Variants in AMPD3 observed in about 807,000 individuals in gnomAD.
The protein encoded by AMPD3 is AMP deaminase 3.
In AMPD3, 57 loss-of-function variants were observed where a neutral mutation model predicts 82.3. The ratio of observed to expected loss-of-function variants is 0.69; its 90% CI spans 0.56 to 0.86. AMPD3 has a LOEUF of 0.86. Ranked by LOEUF, AMPD3 falls within the 40% of genes least tolerant of loss-of-function variation. AMPD3 has a pLI of 0.00. For synonymous variants in AMPD3, 381 were observed against 394.7 expected (o/e 0.97, Z 0.41); for missense variants, 870 against 1,003.8 (o/e 0.87, Z 1.80).
At position 10,461,539 on chromosome 11, in the gene AMPD3, A is replaced by G. The variant is rs1435042398; in HGVS notation, c.20A>G (p.Lys7Arg). 4 of 1,614,190 alleles carry G rather than the reference A, an allele frequency of 2.5e-6. No individual in the cohort carries two copies. The highest frequency in any genetic ancestry group is 2.5e-6 in the Non-Finnish European group (3 of 1,180,044). MPRQFP[K>R]LNISEVDEQV... Reference sequence around the variant, plus strand: ...GCTGAGATGCCGCGGCAGTTTCCCAAGCTGAACATCTCTGAAGTGGATGAG... The same window carrying G: ...GCTGAGATGCCGCGGCAGTTTCCCAGGCTGAACATCTCTGAAGTGGATGAG... Residue 7 changes from lysine to arginine, a missense_variant, in exon 2 of 15, where the codon AAG becomes AGG. Lys to Arg is a conservative substitution (Grantham distance 26). Transcript: ENST00000396553.
chr11:10,450,576 C>T, upstream of AMPD3: 1 of 987,446 alleles, frequency 1.0e-6, no homozygotes, highest in Non-Finnish European at 1.2e-6. Flanking sequence ...CAGTTGAGGT[C>T]TGGGGAGCCC....
intron 2 of AMPD3, 21 bp from the exon 3 acceptor site, chr11:10,478,505 T>C (rs549384468): frequency 6.2e-7 from 1 of 1,613,964 alleles, no homozygotes; most frequent in Admixed American, 1.7e-5. Context: ...TCTCCCACTT[T>C]TCCTTGTCCT....
intron 6 of AMPD3, among the ~76,000 whole-genome samples, chr11:10,488,942 C>T (rs1564851154): frequency 6.6e-6 from 1 of 152,156 alleles, no homozygotes; most frequent in East Asian, 1.9e-4. Context: ...CCTGGAGGCC[C>T]TAAGACCACT....
intron 7 of AMPD3, 38 bp downstream of exon 7, chr11:10,493,581 C>A: frequency 6.2e-7 from 1 of 1,606,826 alleles, no homozygotes; most frequent in Non-Finnish European, 8.5e-7. Flanking sequence ...CAGCAGACAG[C>A]AGCCCTGGCT....
chr11:10,469,821 C>T (rs182845703), intron 2 of AMPD3, among the ~76,000 whole-genome samples: 13 of 152,106 alleles, frequency 8.5e-5, no homozygotes, highest in Admixed American at 4.6e-4. Flanking sequence ...GGGCAGATCA[C>T]GAGGTCAGGA....
chr11:10,451,584 G>A (rs550532923), upstream of AMPD3, among the ~76,000 whole-genome samples: 1 of 152,396 alleles, frequency 6.6e-6, no homozygotes, highest in Non-Finnish European at 1.5e-5. Context: ...GCTAATGGCT[G>A]TTGTAGGCTG....
In AMPD3 at chr11:10,500,153, C is replaced by T. The variant is rs139950075; in HGVS notation, c.1625C>T (p.Pro542Leu). The change falls in exon 11 of 15, where the codon CCA (proline) becomes CTA (leucine). Residue 542 changes from proline (P) to leucine (L), a missense_variant. By Grantham distance (98) the Pro-to-Leu change is moderately conservative. Coordinates refer to ENST00000396553, the MANE Select transcript of AMPD3 (RefSeq NM_001025389.2). ...HSDHMFSDKS[P>L]NPDVWTSEQN... is the part of the protein sequence containing the mutation. ...GACCACATGTTTTCCGACAAGAGCC[C>T]AAACCCGGACGTCTGGACCAGTGAG... The T allele has an allele frequency of 3.1e-6, 5 of 1,614,086 alleles. No homozygotes were observed. The African/African-American group carries it at 6.7e-5, about 22-fold the overall frequency.
intron 11 of AMPD3, chr11:10,501,188 G>C: frequency 1.0e-6 from 1 of 985,418 alleles, no homozygotes; most frequent in Non-Finnish European, 1.2e-6. Context: ...CGGGACACAA[G>C]GCCAGGAGAG....
intron 1 of AMPD3, among the ~76,000 whole-genome samples, chr11:10,458,840 A>G (rs532700390): frequency 6.6e-6 from 1 of 152,160 alleles, no homozygotes; most frequent in Non-Finnish European, 1.5e-5. Context: ...ATGGTGCTTT[A>G]TGGCATTTGC....
chr11:10,495,852 G>A, intron 9 of AMPD3, 119 bp downstream of exon 9: 1 of 1,306,254 alleles, frequency 7.7e-7, no homozygotes, highest in Non-Finnish European at 1.1e-6. Context: ...GCTTACGCTT[G>A]TCCTTTCCAG....
At chr11:10,457,438 C>T (rs774306257) in intron 1 of AMPD3, among the ~76,000 whole-genome samples, 26 of 152,230 alleles carry the variant, frequency 1.7e-4, no homozygotes, top group Non-Finnish European at 3.1e-4. Context: ...CTGTGGAATG[C>T]AACATCTCCC....
rs571427952 is a variant in AMPD3, at chr11:10,456,977, C to CTTTTT, written c.-6+1543_-6+1547dup. Reference sequence around the variant, plus strand: ...TTGTTGTGGTTGCTGTTGTTTCTTGCTTTTTTTTTTTTTTTTTTGAGAGAA... The same window carrying CTTTTT: ...TTGTTGTGGTTGCTGTTGTTTCTTGCTTTTTTTTTTTTTTTTTTTTTTTGAGAGAA... On this transcript the variant is annotated intron_variant, in intron 1 of 14. Coordinates refer to ENST00000396553, the MANE Select transcript of AMPD3 (RefSeq NM_001025389.2). This position sits in a 1 kb window ranked among gnomAD's most constrained non-coding sequence, Gnocchi z 4.3. Among the ~76,000 whole-genome samples the CTTTTT allele has an allele frequency of 3.1e-5, 4 of 129,232 alleles. No homozygotes were observed. The highest frequency in any genetic ancestry group is 1.2e-4 in the African/African-American group (4 of 33,806). The allele number at this position is 129,232 out of a possible 152,430, so 84.8% of individuals were successfully genotyped here. A position where few individuals can be genotyped will look rare whatever the true frequency, so the allele number is the denominator to read the frequency against.
chr11:10,489,924 G>A (rs971112788), intron 6 of AMPD3, among the ~76,000 whole-genome samples: 4 of 152,160 alleles, frequency 2.6e-5, no homozygotes, highest in Admixed American at 6.5e-5. Flanking sequence ...CAGGTGATCT[G>A]CCTGCCTTGG....
chr11:10,504,462 T>C (rs1425639874), intron 13 of AMPD3, 87 bp from the exon 14 acceptor site: 1 of 1,318,320 alleles, frequency 7.6e-7, no homozygotes, highest in African/African-American at 1.4e-5. Flanking sequence ...AAACCCGCAG[T>C]GTCTGATGTT....
chr11:10,493,356 C>G lies in AMPD3; in HGVS notation c.947C>G (p.Thr316Arg), dbSNP rs769716220. The change falls in exon 7 of 15, where the codon ACA (threonine) becomes AGA (arginine). Residue 316 changes from threonine (T) to arginine (R), a missense_variant. Transcript: ENST00000396553. ...RDFYNVRKVDTHIHAAACMNQ... is the reference protein window; with the variant it reads ...RDFYNVRKVDRHIHAAACMNQ... ...GTGGGCGCTGTGTTCCAGGTGGACACACACATCCATGCGGCCGCCTGCATG... is the reference window on the plus strand; with the variant it reads ...GTGGGCGCTGTGTTCCAGGTGGACAGACACATCCATGCGGCCGCCTGCATG... 6.8e-6 allele frequency: 11 copies of G among 1,614,148 alleles called. No homozygotes were observed. The South Asian group carries it at 1.1e-4, about 16-fold the overall frequency.
Position 10,502,324 on chromosome 11 carries a change from C to T in AMPD3, c.1843-397C>T, listed in dbSNP as rs1849602236. ...GAGCTGGAGTGTTTATAGTCTCAAC[C>T]TGGCTGTTTGCAGTCAAAGCAATAA... On this transcript the variant is annotated intron_variant, in intron 12 of 14. Transcript: ENST00000396553. The T allele has an allele frequency of 5.1e-6, 5 of 985,328 alleles. No individual in the cohort carries two copies. In the South Asian group the frequency reaches 2.3e-4, roughly 46 times the overall value. The allele number at this position is 985,328 out of a possible 1,614,324, so 61.0% of individuals were successfully genotyped here. A position where few individuals can be genotyped will look rare whatever the true frequency, so the allele number is the denominator to read the frequency against.
intron 1 of AMPD3, chr11:10,461,001 G>C (rs548124691): frequency 9.1e-7 from 1 of 1,098,080 alleles, no homozygotes; most frequent in Non-Finnish European, 1.1e-6. Context: ...TTCAGCAAAA[G>C]GCCTTGATTT....
At chr11:10,504,773 G>A (rs1849672151) in intron 14 of AMPD3, 114 bp downstream of exon 14, 2 of 999,772 alleles carry the variant, frequency 2.0e-6, no homozygotes, top group African/African-American at 1.6e-5. Flanking sequence ...GGGCCTCTGA[G>A]ACACTCAGGC....
At chr11:10,461,132 G>C in intron 1 of AMPD3, 1 of 1,196,592 alleles carries the variant, frequency 8.4e-7, no homozygotes, top group African/African-American at 1.6e-5. Flanking sequence ...AGCTATAACA[G>C]TATCCTCATA....
Sources: allele counts gnomAD v4.1 joint callset (sites outside exome capture counted in the v4.1 genomes callset), GRCh38; gene constraint gnomAD v4.1.1; non-coding constraint Gnocchi (gnomAD v3.1); transcripts MANE v1.5; gene names NCBI Gene and HGNC (gene_info 2026-07-23, HGNC 2026-07-21).